The following SMARCD3 variants were observed in gnomAD, a reference collection of about 807,000 sequenced individuals.
SMARCD3 encodes SWI/SNF related BAF chromatin remodeling complex subunit D3, also known as SWI/SNF-related matrix-associated actin-dependent regulator of chromatin subfamily D member 3.
SMARCD3 carries 14 observed loss-of-function variants against 58.0 expected under a neutral mutation model. The observed-to-expected ratio is 0.24, with a 90% CI of 0.16 to 0.38. The LOEUF (loss-of-function observed/expected upper bound fraction) is 0.38, where lower values mean the gene tolerates loss of function less well. Ranked by LOEUF, SMARCD3 falls within the 10% of genes least tolerant of loss-of-function variation. SMARCD3 has a pLI of 1.00. For synonymous variants in SMARCD3, 253 were observed against 253.8 expected (o/e 1.00, Z 0.03); for missense variants, 408 against 636.9 (o/e 0.64, Z 3.87).
intron 2 of SMARCD3, among the ~76,000 whole-genome samples, chr7:151,273,139 C>G (rs1053995518): frequency 6.6e-6 from 1 of 152,252 alleles, no homozygotes; most frequent in African/African-American, 2.4e-5. Flanking sequence ...CATGTGAATG[C>G]AACTCCAAGA....
intron 2 of SMARCD3, among the ~76,000 whole-genome samples, chr7:151,274,784 C>G (rs1357139328): frequency 1.3e-5 from 2 of 152,202 alleles, no homozygotes; most frequent in African/African-American, 4.8e-5. Context: ...CATGCCAGAG[C>G]CCAGACCATG....
At chr7:151,258,250 C>T (rs78572663) in intron 2 of SMARCD3, among the ~76,000 whole-genome samples, 1 of 152,096 alleles carries the variant, frequency 6.6e-6, no homozygotes, top group South Asian at 2.1e-4. Flanking sequence ...CTGTTCTCAA[C>T]ATGGCAACAG....
rs11376753 is a variant in SMARCD3 at position 151,245,247 on chromosome 7, C to CG, written c.290+212dup. On this transcript the variant is annotated intron_variant, in intron 2 of 12. Coordinates refer to ENST00000262188, the MANE Select transcript of SMARCD3 (RefSeq NM_001003801.2). This position sits in a 1 kb window ranked among gnomAD's most constrained non-coding sequence, Gnocchi z 6.2. ...GCAGGGAAGCGGTACCGGCTGCCGACGCCGCAGCCTGTCTCTACCGTGGGC... is the reference window on the plus strand; with the variant it reads ...GCAGGGAAGCGGTACCGGCTGCCGACGGCCGCAGCCTGTCTCTACCGTGGGC... 1 allele frequency among the ~76,000 whole-genome samples: 152,246 copies of CG among 152,250 alleles called. 76,121 individuals are homozygous for CG. Among genetic ancestry groups the CG allele is most frequent in the Middle Eastern group, 1 (294 of 294 alleles).
chr7:151,267,099 C>T (rs1487779173), intron 2 of SMARCD3, among the ~76,000 whole-genome samples: 1 of 152,214 alleles, frequency 6.6e-6, no homozygotes, highest in East Asian at 1.9e-4. Flanking sequence ...AGTTGTTAAA[C>T]ATTTACCCGC....
chr7:151,275,112 A>G lies in SMARCD3; in HGVS notation c.39+2T>C. ...TGGGCTGGCAGGGGAGGAAGCACCT[A>G]CCTGTACCACGGTGGGTGGGTGCTG... On this transcript the variant is annotated splice_donor_variant, in intron 2 of 13. Coordinates refer to the SMARCD3 transcript ENST00000356800. LOFTEE classifies it high-confidence loss of function. The G allele has an allele frequency of 6.2e-7, 1 of 1,611,550 alleles. No individual in the cohort carries two copies. The highest frequency in any genetic ancestry group is 8.5e-7 in the Non-Finnish European group (1 of 1,179,230).
chr7:151,275,522 C>T (rs1181863609), intron 1 of SMARCD3, among the ~76,000 whole-genome samples: 1 of 152,156 alleles, frequency 6.6e-6, no homozygotes, highest in Non-Finnish European at 1.5e-5. Context: ...AGCAGGGACC[C>T]CAGGCAGAGC....
At chr7:151,253,684 C>T (rs1341870494), upstream of SMARCD3, among the ~76,000 whole-genome samples, 2 of 152,144 alleles carry the variant, frequency 1.3e-5, no homozygotes, top group East Asian at 1.9e-4. Flanking sequence ...ATGAGGTGGT[C>T]GCTTGTAGCA....
rs1361871388 is a variant in SMARCD3, at chr7:151,238,995, C to G, written c.*108G>C. 1.2e-5 allele frequency: 15 copies of G among 1,207,648 alleles called. No homozygotes were observed. The highest frequency in any genetic ancestry group is 1.7e-5 in the Admixed American group (1 of 58,058). The allele number at this position is 1,207,648 out of a possible 1,614,324, so 74.8% of individuals were successfully genotyped here. A position where few individuals can be genotyped will look rare whatever the true frequency, so the allele number is the denominator to read the frequency against. Reference sequence around the variant, plus strand: ...TGCTGTCAGATGAATGACTTTTAATCCAGCCCCACACCCCAAGGTGGCAGA... The same window carrying G: ...TGCTGTCAGATGAATGACTTTTAATGCAGCCCCACACCCCAAGGTGGCAGA... On this transcript the variant is annotated 3_prime_UTR_variant, in exon 13 of 13. Transcript: ENST00000262188.
chr7:151,251,548 C>G (rs1458156669), upstream of SMARCD3, among the ~76,000 whole-genome samples: 1 of 152,172 alleles, frequency 6.6e-6, no homozygotes, highest in African/African-American at 2.4e-5. Context: ...TCCCTCCTCA[C>G]AAAGGCCAGG....
chr7:151,256,844 G>A (rs747914697), intron 2 of SMARCD3, among the ~76,000 whole-genome samples: 5 of 151,792 alleles, frequency 3.3e-5, no homozygotes, highest in African/African-American at 4.8e-5. Context: ...AGCTGATCCC[G>A]TTCCTCCAGA....
At chr7:151,275,993 G>C (rs1212491179) in intron 1 of SMARCD3, among the ~76,000 whole-genome samples, 1 of 152,064 alleles carries the variant, frequency 6.6e-6, no homozygotes, top group Non-Finnish European at 1.5e-5. Flanking sequence ...GATCAATCCT[G>C]AGCAGGGTTG....
chr7:151,275,018 G>A lies in SMARCD3; in HGVS notation c.39+96C>T, dbSNP rs191492516. 82 of 977,326 alleles carry A rather than the reference G, an allele frequency of 8.4e-5. No homozygotes were observed. In the African/African-American group the frequency reaches 1.2e-3, roughly 14 times the overall value. 60.5% of individuals were successfully genotyped at this position (977,326 alleles called of 1,614,324 possible). ...CAGCTGGGGGCAGAAATGCCGGGAGGGGGCCATGTGGTGGGAGCAGGAGCC... is the reference window on the plus strand; with the variant it reads ...CAGCTGGGGGCAGAAATGCCGGGAGAGGGCCATGTGGTGGGAGCAGGAGCC... On this transcript the variant is annotated intron_variant, in intron 2 of 13. Transcript: ENST00000356800.
intron 2 of SMARCD3, among the ~76,000 whole-genome samples, chr7:151,254,985 C>T (rs1430766406): frequency 2.6e-5 from 4 of 152,158 alleles, no homozygotes; most frequent in Non-Finnish European, 1.5e-5. Flanking sequence ...GTAAATAAAA[C>T]CCCCGTGGAA....
Position 151,242,128 on chromosome 7 carries a change from T to C in SMARCD3, c.675+9A>G, listed in dbSNP as rs759146915. The C allele has an allele frequency of 6.2e-7, 1 of 1,604,866 alleles. No individual in the cohort carries two copies. The highest frequency in any genetic ancestry group is 8.5e-7 in the Non-Finnish European group (1 of 1,171,570). ...GGCAATTCAAGGGCGGAGGGGCTCT[T>C]GGTCTTACCTCAACGAGGTGGTTGT... On this transcript the variant is annotated intron_variant, in intron 6 of 12. Transcript: ENST00000262188. The surrounding 1 kb of genome is among the most constrained non-coding windows in gnomAD (Gnocchi z 4.7).
At chr7:151,265,392 CA>C (rs1804048220) in intron 2 of SMARCD3, among the ~76,000 whole-genome samples, 2 of 152,194 alleles carry the variant, frequency 1.3e-5, no homozygotes, top group South Asian at 4.1e-4. Context: ...CAGAAGGAAC[CA>C]ACCCCGCTGA....
Position 151,245,664 on chromosome 7 carries a change from C to G in SMARCD3, c.86G>C (p.Gly29Ala). ...GGGCATCCGGGCTCCAGACGGCATC[C>G]CGGGGCGCTGGGGGTGGGCGGGGGT... ...FEFLVHGVRP[G>A]MPSGARMPHQ... The change falls in exon 2 of 13, where the codon GGG (glycine) becomes GCG (alanine). Residue 29 changes from glycine (G) to alanine (A), a missense_variant. Physicochemically the swap from Gly to Ala is moderately conservative, Grantham distance 60. Coordinates refer to ENST00000262188, the MANE Select transcript of SMARCD3 (RefSeq NM_001003801.2). The surrounding 1 kb of genome is among the most constrained non-coding windows in gnomAD (Gnocchi z 6.2). The G allele has an allele frequency of 9.0e-7, 1 of 1,115,064 alleles. No individual in the cohort carries two copies. Among genetic ancestry groups the G allele is most frequent in the Non-Finnish European group, 1.1e-6 (1 of 882,154 alleles). 69.1% of individuals were successfully genotyped at this position (1,115,064 alleles called of 1,614,324 possible).
intron 2 of SMARCD3, among the ~76,000 whole-genome samples, chr7:151,257,683 C>G (rs973605125): frequency 1.3e-5 from 2 of 152,124 alleles, no homozygotes; most frequent in African/African-American, 2.4e-5. Flanking sequence ...GGACACTTTC[C>G]CCTCTTGGCT....
intron 2 of SMARCD3, among the ~76,000 whole-genome samples, chr7:151,257,979 A>G (rs968721820): frequency 2.0e-5 from 3 of 152,076 alleles, no homozygotes; most frequent in Non-Finnish European, 4.4e-5. Context: ...CAGCTCAAAC[A>G]TGGTCGGTCC....
Position 151,241,823 on chromosome 7 carries a change from C to T in SMARCD3, c.777+54G>A, listed in dbSNP as rs1313156046. 4 of 1,510,060 alleles carry T rather than the reference C, an allele frequency of 2.6e-6. No individual in the cohort carries two copies. 93.5% of individuals were successfully genotyped at this position (1,510,060 alleles called of 1,614,324 possible). A position where few individuals can be genotyped will look rare whatever the true frequency, so the allele number is the denominator to read the frequency against. ...CAAGATGCACCACTTTGGGACCTAG[C>T]CCTGCCCTGAGGGCCTTGTGTGGCG... On this transcript the variant is annotated intron_variant, in intron 7 of 12. Coordinates refer to ENST00000262188, the MANE Select transcript of SMARCD3 (RefSeq NM_001003801.2). The surrounding 1 kb of genome is among the most constrained non-coding windows in gnomAD (Gnocchi z 5.3).
Sources: gnomAD v4.1 joint callset for allele counts (sites outside exome capture counted in the v4.1 genomes callset) on GRCh38, gnomAD v4.1.1 for gene constraint, Gnocchi (gnomAD v3.1) non-coding constraint, MANE v1.5 for transcripts, NCBI Gene and HGNC (gene_info 2026-07-23, HGNC 2026-07-21) for gene names.